TMEM266: variants seen among roughly 807,000 people sequenced by gnomAD.
TMEM266 encodes Hv1 related protein 1.
Under a neutral mutation model 50.5 loss-of-function variants are expected in TMEM266, and 33 were observed. The ratio of observed to expected loss-of-function variants is 0.65; its 90% CI spans 0.50 to 0.87. The LOEUF (loss-of-function observed/expected upper bound fraction) is 0.87. Among genes scored for constraint, TMEM266 ranks in the 40% least tolerant of loss-of-function variants. The pLI is 0.00. For synonymous variants in TMEM266, 310 were observed against 292.3 expected (o/e 1.06, Z -0.62); for missense variants, 655 against 695.1 (o/e 0.94, Z 0.65).
chr15:76,126,911 G>A (rs1302549688), intron 1 of TMEM266, among the ~76,000 whole-genome samples: 1 of 152,042 alleles, frequency 6.6e-6, no homozygotes, highest in Non-Finnish European at 1.5e-5. Context: ...GGGTTGCGGG[G>A]GGCAGGTGGT....
chr15:76,096,131 T>G (rs2036917656), intron 1 of TMEM266, among the ~76,000 whole-genome samples: 1 of 152,078 alleles, frequency 6.6e-6, no homozygotes, highest in Non-Finnish European at 1.5e-5. Context: ...TGCTCTAATC[T>G]TAGTTATTTC....
Position 76,134,301 on chromosome 15 carries a change from A to G in TMEM266, c.38A>G (p.Gln13Arg). 2 of 1,613,608 alleles carry G rather than the reference A, an allele frequency of 1.2e-6. No homozygotes were observed. Among genetic ancestry groups the G allele is most frequent in the Non-Finnish European group, 8.5e-7 (1 of 1,179,524 alleles). Residue 13 changes from glutamine (Q) to arginine (R), a missense_variant and splice_region_variant, in exon 2 of 11, where the codon CAG (glutamine) becomes CGG (arginine). Coordinates refer to ENST00000388942, the MANE Select transcript of TMEM266 (RefSeq NM_152335.3). Reference sequence around the variant, plus strand: ...CCATCTTTCAACATGACCAATCCACAGTAAGTAATGCTGGGATCTGCTCTC... The same window carrying G: ...CCATCTTTCAACATGACCAATCCACGGTAAGTAATGCTGGGATCTGCTCTC...
At chr15:76,133,088 C>T (rs774903076) in intron 1 of TMEM266, among the ~76,000 whole-genome samples, 6 of 151,862 alleles carry the variant, frequency 4.0e-5, no homozygotes, top group African/African-American at 7.3e-5. Context: ...AAGATCGCAC[C>T]ACTGTGCTCC....
intron 1 of TMEM266, among the ~76,000 whole-genome samples, chr15:76,066,903 G>T (rs983902619): frequency 6.6e-6 from 1 of 152,086 alleles, no homozygotes; most frequent in Non-Finnish European, 1.5e-5. Context: ...TGTTGCAGGG[G>T]CAGTCCTGTG....
At chr15:76,202,050 C>CGTCT (rs1320666148) in intron 9 of TMEM266, 152 bp from the exon 10 acceptor site, 2 of 624,590 alleles carry the variant, frequency 3.2e-6, no homozygotes, top group East Asian at 5.7e-5. Context: ...CAGGTGGTCC[C>CGTCT]CATGGAGAAC....
chr15:76,101,457 A>AGTG (rs1212725591), intron 1 of TMEM266, among the ~76,000 whole-genome samples: 1 of 152,232 alleles, frequency 6.6e-6, no homozygotes, highest in East Asian at 1.9e-4. Flanking sequence ...TTATCCAGGC[A>AGTG]GTGCCCTGTC....
At chr15:76,140,244 C>T (rs1596129564) in intron 3 of TMEM266, among the ~76,000 whole-genome samples, 1 of 152,196 alleles carries the variant, frequency 6.6e-6, no homozygotes, top group East Asian at 1.9e-4. Context: ...AGCCAGAGGG[C>T]TTCCTGGAGG....
chr15:76,127,080 T>G (rs2037435099), intron 1 of TMEM266, among the ~76,000 whole-genome samples: 1 of 152,126 alleles, frequency 6.6e-6, no homozygotes, highest in South Asian at 2.1e-4. Context: ...TATGCTTAAA[T>G]TTGCTGAGAG....
chr15:76,139,900 C>G lies in TMEM266; in HGVS notation c.227+2005C>G, dbSNP rs2037651450. Reference sequence around the variant, plus strand: ...GGACCTTGCTATGGGTGTTCCCCCACCAGGTGTACCACCCTGTGATGTACC... The same window carrying G: ...GGACCTTGCTATGGGTGTTCCCCCAGCAGGTGTACCACCCTGTGATGTACC... On this transcript the variant is annotated intron_variant, in intron 3 of 10. Transcript: ENST00000388942. This position sits in a 1 kb window ranked among gnomAD's most constrained non-coding sequence, Gnocchi z 4.1. Among the ~76,000 whole-genome samples, 1 of 152,222 alleles carries G rather than the reference C, an allele frequency of 6.6e-6. No individual in the cohort carries two copies. Among genetic ancestry groups the G allele is most frequent in the South Asian group, 2.1e-4 (1 of 4,832 alleles).
intron 3 of TMEM266, among the ~76,000 whole-genome samples, chr15:76,155,794 G>T (rs971533878): frequency 6.6e-6 from 1 of 152,158 alleles, no homozygotes; most frequent in African/African-American, 2.4e-5. Flanking sequence ...TTGAAAAACA[G>T]CAATCTGGTT....
chr15:76,160,223 G>A lies in TMEM266; in HGVS notation c.456+55G>A, dbSNP rs182724216. The A allele has an allele frequency of 1.6e-4, 247 of 1,526,288 alleles. No homozygotes were observed. In the African/African-American group the frequency reaches 2.8e-3, roughly 17 times the overall value. The allele number at this position is 1,526,288 out of a possible 1,614,324, so 94.5% of individuals were successfully genotyped here. ...CTCTGTTGGGTGACTCCTGTCCTGG[G>A]GAAACCAAGGTCTACTTCTCGAAAT... On this transcript the variant is annotated intron_variant, in intron 5 of 10. Transcript: ENST00000388942. The surrounding 1 kb of genome is among the most constrained non-coding windows in gnomAD (Gnocchi z 5.7).
chr15:76,141,164 G>C (rs2037670315), intron 3 of TMEM266, among the ~76,000 whole-genome samples: 1 of 151,736 alleles, frequency 6.6e-6, no homozygotes, highest in African/African-American at 2.4e-5. Flanking sequence ...GGCTGTGACT[G>C]TGGGTAACAT....
chr15:76,197,423 G>A (rs2038671853), intron 9 of TMEM266, among the ~76,000 whole-genome samples: 1 of 152,192 alleles, frequency 6.6e-6, no homozygotes, highest in South Asian at 2.1e-4. Context: ...GTCACACAGG[G>A]CCCTAACTTT....
intron 8 of TMEM266, among the ~76,000 whole-genome samples, chr15:76,188,870 C>T (rs747475033): frequency 6.6e-6 from 1 of 152,100 alleles, no homozygotes; most frequent in African/African-American, 2.4e-5. Flanking sequence ...ATCATAAATG[C>T]ATAAGAATTA....
In TMEM266 at chr15:76,204,189, G is replaced by C; in HGVS notation, c.1470G>C (p.Gln490His). 1 of 1,613,908 alleles carries C rather than the reference G, an allele frequency of 6.2e-7. No individual in the cohort carries two copies. The highest frequency in any genetic ancestry group is 8.5e-7 in the Non-Finnish European group (1 of 1,180,030). Residue 490 changes from glutamine to histidine, a missense_variant, in exon 11 of 11, where the codon CAG (glutamine) becomes CAC (histidine). Gln to His is a conservative substitution (Grantham distance 24). Transcript: ENST00000388942. ...TAAGTCTGTTCAACCAGAAGAACCA[G>C]GAGGGCTTCACTGTCTTTCAGATCA...
At chr15:76,114,281 A>C (rs2037215631) in intron 1 of TMEM266, 1 of 152,230 alleles carries the variant, frequency 6.6e-6, no homozygotes, top group African/African-American at 2.4e-5. Context: ...GCACTTTGGG[A>C]GGCCAAGGCA....
rs374521176 is a variant in TMEM266, at chr15:76,089,482, C to T, written c.-97+29466C>T. On this transcript the variant is annotated intron_variant, in intron 1 of 10. Transcript: ENST00000388942. ...TGCTGGGATTACAGGCTTGAGCCAC[C>T]GCGCCCAGCCCAGAAGTTTCTTATA... Among the ~76,000 whole-genome samples, 8 of 152,214 alleles carry T rather than the reference C, an allele frequency of 5.3e-5. No individual in the cohort carries two copies. In the East Asian group the frequency reaches 7.7e-4, roughly 15 times the overall value.
At chr15:76,201,293 G>A (rs1226196466) in intron 9 of TMEM266, among the ~76,000 whole-genome samples, 1 of 152,160 alleles carries the variant, frequency 6.6e-6, no homozygotes, top group African/African-American at 2.4e-5. Flanking sequence ...GGCTTTTGGG[G>A]TCTTCCAGCA....
intron 3 of TMEM266, among the ~76,000 whole-genome samples, chr15:76,151,462 T>G (rs1030023069): frequency 3.4e-5 from 5 of 147,936 alleles, no homozygotes; most frequent in African/African-American, 1.2e-4. Context: ...CAACCCACCC[T>G]CCAGGGCCCT....
Sources: allele counts gnomAD v4.1 joint callset (sites outside exome capture counted in the v4.1 genomes callset), GRCh38; gene constraint gnomAD v4.1.1; non-coding constraint Gnocchi (gnomAD v3.1); transcripts MANE v1.5; gene names NCBI Gene and HGNC (gene_info 2026-07-23, HGNC 2026-07-21).